DGKI: variants seen among roughly 807,000 people sequenced by gnomAD.
DGKI encodes the protein diacylglycerol kinase iota.
Under a neutral mutation model 147.5 loss-of-function variants are expected in DGKI, and 55 were observed. The ratio of observed to expected loss-of-function variants is 0.37; its 90% confidence interval spans 0.30 to 0.47. DGKI has a LOEUF of 0.47. DGKI is among the 20% of genes least tolerant of loss of function. DGKI has a pLI of 1.00. For missense variants in DGKI, 1,007 were observed against 1,323.8 expected (o/e 0.76, Z 3.71); for synonymous variants, 469 against 477.1 (o/e 0.98, Z 0.22).
At chr7:137,672,402 AGAT>A (rs1251437107) in intron 3 of DGKI, among the ~76,000 whole-genome samples, 1 of 152,190 alleles carries the variant, frequency 6.6e-6, no homozygotes, top group African/African-American at 2.4e-5. Flanking sequence ...TATGGATCAG[AGAT>A]GATGAGTATG....
At chr7:137,456,661 A>G (rs768702868) in intron 27 of DGKI, among the ~76,000 whole-genome samples, 1 of 152,248 alleles carries the variant, frequency 6.6e-6, no homozygotes, top group Non-Finnish European at 1.5e-5. Context: ...AAATGTAAAA[A>G]GAGAGCCACT....
chr7:137,713,465 T>A (rs1794277514), intron 1 of DGKI, among the ~76,000 whole-genome samples: 1 of 152,188 alleles, frequency 6.6e-6, no homozygotes, highest in Non-Finnish European at 1.5e-5. Flanking sequence ...AATAACCCCA[T>A]CCAATAAATG....
At chr7:137,558,909 T>C (rs1818316410) in intron 19 of DGKI, among the ~76,000 whole-genome samples, 3 of 101,598 alleles carry the variant, frequency 3.0e-5, no homozygotes, top group Non-Finnish European at 5.9e-5. Context: ...ATGCTATTAG[T>C]AGTGGTGGTA....
intron 1 of DGKI, among the ~76,000 whole-genome samples, chr7:137,792,401 T>G: frequency 6.6e-6 from 1 of 152,176 alleles, no homozygotes; most frequent in East Asian, 1.9e-4. Flanking sequence ...TTCCCCTTCA[T>G]CCATTCATTA....
chr7:137,426,544 T>C (rs1585103425), intron 28 of DGKI, among the ~76,000 whole-genome samples: 1 of 152,104 alleles, frequency 6.6e-6, no homozygotes, highest in South Asian at 2.1e-4. Flanking sequence ...ACTTCACACA[T>C]AACAACATTA....
intron 1 of DGKI, among the ~76,000 whole-genome samples, chr7:137,706,869 G>A (rs555425366): frequency 2.1e-4 from 32 of 152,170 alleles, no homozygotes; most frequent in African/African-American, 6.5e-4. Flanking sequence ...ACCACACCCC[G>A]CCGAAACACC....
At chr7:137,424,560 G>A (rs1164864907) in intron 28 of DGKI, among the ~76,000 whole-genome samples, 2 of 152,126 alleles carry the variant, frequency 1.3e-5, no homozygotes, top group African/African-American at 2.4e-5. Context: ...GCAGTGCACC[G>A]TGCGCGAGCC....
chr7:137,524,978 C>T (rs1421095459), intron 20 of DGKI, among the ~76,000 whole-genome samples: 1 of 152,126 alleles, frequency 6.6e-6, no homozygotes, highest in Non-Finnish European at 1.5e-5. Context: ...AGTGGCTGCT[C>T]CCTGTGCCAT....
At chr7:137,733,152 A>G (rs1180316157) in intron 1 of DGKI, among the ~76,000 whole-genome samples, 1 of 151,874 alleles carries the variant, frequency 6.6e-6, no homozygotes, top group African/African-American at 2.4e-5. Context: ...AACTACATTC[A>G]CATTGTTGTG....
chr7:137,510,769 C>T (rs1181714828), intron 21 of DGKI, among the ~76,000 whole-genome samples: 5 of 152,160 alleles, frequency 3.3e-5, no homozygotes, highest in Non-Finnish European at 5.9e-5. Context: ...TGATTAGATA[C>T]ATGTGAAGAA....
At chr7:137,461,896 A>G (rs1295127045) in intron 27 of DGKI, among the ~76,000 whole-genome samples, 1 of 152,206 alleles carries the variant, frequency 6.6e-6, no homozygotes, top group Non-Finnish European at 1.5e-5. Flanking sequence ...AAACAGACAG[A>G]AAGAGTTCAT....
intron 28 of DGKI, among the ~76,000 whole-genome samples, chr7:137,412,902 T>G (rs1319182370): frequency 6.6e-6 from 1 of 152,128 alleles, no homozygotes. Context: ...TTAAACTACT[T>G]TTAGGAATAC....
chr7:137,514,501 G>A (rs1816688377), intron 21 of DGKI, among the ~76,000 whole-genome samples: 1 of 152,150 alleles, frequency 6.6e-6, no homozygotes, highest in East Asian at 1.9e-4. Context: ...CAGCTTTTAT[G>A]AGTTATTTTT....
intron 2 of DGKI, among the ~76,000 whole-genome samples, chr7:137,683,758 G>C (rs569115460): frequency 6.6e-6 from 1 of 152,192 alleles, no homozygotes; most frequent in South Asian, 2.1e-4. Flanking sequence ...TTCTGTACTT[G>C]TGAGTGCTGA....
chr7:137,474,805 G>A (rs1455498832), intron 23 of DGKI, among the ~76,000 whole-genome samples: 1 of 152,180 alleles, frequency 6.6e-6, no homozygotes, highest in Non-Finnish European at 1.5e-5. Flanking sequence ...GGCGGCGGAA[G>A]GCTGATGGGA....
rs200804908 is a variant in DGKI at position 137,650,428 on chromosome 7, T to C, written c.738+4304A>G. ...CTTTGATAAAGAACAATATGCTATG[T>C]ATTTAAAGGTGGTTGTAAAGGAAGA... On this transcript the variant is annotated intron_variant, in intron 5 of 32. Transcript: ENST00000614521. 4.6e-5 allele frequency among the ~76,000 whole-genome samples: 7 copies of C among 152,332 alleles called. No individual in the cohort carries two copies. In the East Asian group the frequency reaches 1.4e-3, roughly 29 times the overall value.
At chr7:137,443,340 A>C (rs11980106) in intron 28 of DGKI, among the ~76,000 whole-genome samples, 53,622 of 151,930 alleles carry the variant, frequency 0.35, 10,287 homozygotes, top group East Asian at 0.65. Flanking sequence ...GAAAAGAAAT[A>C]TAGAGGTATG....
At chr7:137,760,199 A>T (rs1202006570) in intron 1 of DGKI, among the ~76,000 whole-genome samples, 1 of 151,972 alleles carries the variant, frequency 6.6e-6, no homozygotes, top group Non-Finnish European at 1.5e-5. Flanking sequence ...GTTGGTGACT[A>T]TGGTGATTTC....
intron 3 of DGKI, among the ~76,000 whole-genome samples, chr7:137,669,036 A>C (rs937529457): frequency 6.6e-6 from 1 of 152,218 alleles, no homozygotes. Context: ...CCCATTTTCC[A>C]GATGTAAAAC....
Sources: gnomAD v4.1 joint callset for allele counts (sites outside exome capture counted in the v4.1 genomes callset) on GRCh38, gnomAD v4.1.1 for gene constraint, MANE v1.5 for transcripts, NCBI Gene and HGNC (gene_info 2026-07-23, HGNC 2026-07-21) for gene names.